The following PAPPA2 variants were observed in gnomAD, a reference collection of about 807,000 sequenced individuals.
PAPPA2 encodes the protein pappalysin 2.
Under a neutral mutation model 176.4 loss-of-function variants are expected in PAPPA2, and 86 were observed. The observed-to-expected ratio is 0.49, with a 90% CI of 0.41 to 0.58. The LOEUF (loss-of-function observed/expected upper bound fraction) is 0.58, where lower values mean the gene tolerates loss of function less well. Among genes scored for constraint, PAPPA2 ranks in the 20% least tolerant of loss-of-function variants. PAPPA2 has a pLI of 0.00. For missense variants in PAPPA2, 2,073 were observed against 2,256.9 expected, an observed-to-expected ratio of 0.92 and a Z score of 1.65; for synonymous variants, 809 against 852.2, an observed-to-expected ratio of 0.95 and a Z score of 0.88.
chr1:176,623,576 C>CTCCTTCCTTCCTTCCTTCCT (rs200667738), intron 3 of PAPPA2, among the ~76,000 whole-genome samples: 21 of 84,982 alleles, frequency 2.5e-4, no homozygotes, highest in African/African-American at 1.3e-3. Context: ...CCTTCCTTCC[C>CTCCTTCCTTCCTTCCTTCCT]TCCTTCCTTC....
intron 1 of PAPPA2, among the ~76,000 whole-genome samples, chr1:176,508,880 T>C (rs892810777): frequency 2.0e-4 from 30 of 152,274 alleles, no homozygotes; most frequent in African/African-American, 6.7e-4. Flanking sequence ...ATAAGTGTCC[T>C]GAGGCTTCCT....
chr1:176,670,539 GAA>G (rs1658933197), intron 3 of PAPPA2, among the ~76,000 whole-genome samples: 1 of 152,038 alleles, frequency 6.6e-6, no homozygotes, highest in Non-Finnish European at 1.5e-5. Flanking sequence ...GCATATACTG[GAA>G]AAGAGATTGA....
At chr1:176,799,765 G>A (rs2102948450) in intron 20 of PAPPA2, among the ~76,000 whole-genome samples, 1 of 152,252 alleles carries the variant, frequency 6.6e-6, no homozygotes, top group African/African-American at 2.4e-5. Flanking sequence ...ATAATATTGA[G>A]GATGCTTTTT....
At chr1:176,744,768 C>A (rs1662832922) in intron 14 of PAPPA2, among the ~76,000 whole-genome samples, 1 of 152,158 alleles carries the variant, frequency 6.6e-6, no homozygotes, top group African/African-American at 2.4e-5. Context: ...ACAAAAAGTA[C>A]ATGCTTTGGT....
At chr1:176,466,990 G>A (rs760603135) in intron 1 of PAPPA2, among the ~76,000 whole-genome samples, 11 of 152,248 alleles carry the variant, frequency 7.2e-5, no homozygotes, top group Non-Finnish European at 1.5e-4. Context: ...GTCATGTATC[G>A]CTTAATGATG....
intron 1 of PAPPA2, among the ~76,000 whole-genome samples, chr1:176,527,243 C>T (rs1047203573): frequency 6.6e-6 from 1 of 152,192 alleles, no homozygotes; most frequent in African/African-American, 2.4e-5. Flanking sequence ...TGGATGCCAC[C>T]ACAGCCATAT....
intron 3 of PAPPA2, among the ~76,000 whole-genome samples, chr1:176,623,758 C>CCTTCCTTTCTTTCTTTCTTTCTTTCTTT (rs1198828841): frequency 1.0e-4 from 6 of 59,062 alleles, no homozygotes; most frequent in African/African-American, 3.8e-4. Flanking sequence ...TTCCTTCCTT[C>CCTTCCTTTCTTTCTTTCTTTCTTTCTTT]CTTTCTTTCT....
At position 176,607,056 on chromosome 1, in the gene PAPPA2, TTTTA is replaced by T; in HGVS notation, c.1991+11464_1991+11467del. Among the ~76,000 whole-genome samples, 3 of 152,184 alleles carry T rather than the reference TTTTA, an allele frequency of 2.0e-5. No homozygotes were observed. In the Middle Eastern group the frequency reaches 0.01, roughly 518 times the overall value. On this transcript the variant is annotated intron_variant, in intron 3 of 22. Transcript: ENST00000367662. ...ACAGATATATATGTTTTATTTTTATTTTTATTATTTTTATATTTATTTTTATTGA... is the reference window on the plus strand; with the variant it reads ...ACAGATATATATGTTTTATTTTTATTTTATTTTTATATTTATTTTTATTGA...
At chr1:176,480,541 G>T (rs533146060) in intron 1 of PAPPA2, among the ~76,000 whole-genome samples, 3 of 152,232 alleles carry the variant, frequency 2.0e-5, no homozygotes, top group Admixed American at 1.3e-4. Context: ...CATGGAGGCG[G>T]GAAGGCTGGA....
In PAPPA2 at chr1:176,641,851, G is replaced by T. The variant is rs146279559; in HGVS notation, c.1992-29119G>T. Among the ~76,000 whole-genome samples the T allele has an allele frequency of 9.3e-4, 141 of 151,936 alleles. 1 individual carries two copies. The highest frequency in any genetic ancestry group is 2.9e-3 in the African/African-American group (119 of 41,462). On this transcript the variant is annotated intron_variant, in intron 3 of 22. Coordinates refer to ENST00000367662, the MANE Select transcript of PAPPA2 (RefSeq NM_020318.3). Reference sequence around the variant, plus strand: ...GTCTTAATGACTCTGGGTGATGGAGGTATTATTGAGCCAAGTGTTTGCACA... The same window carrying T: ...GTCTTAATGACTCTGGGTGATGGAGTTATTATTGAGCCAAGTGTTTGCACA...
chr1:176,680,134 G>A (rs1659511787), intron 4 of PAPPA2, among the ~76,000 whole-genome samples: 1 of 152,118 alleles, frequency 6.6e-6, no homozygotes, highest in African/African-American at 2.4e-5. Flanking sequence ...AGAAAAATTT[G>A]GAGATAGACT....
chr1:176,535,276 C>A (rs1213574949), intron 1 of PAPPA2, among the ~76,000 whole-genome samples: 2 of 152,114 alleles, frequency 1.3e-5, no homozygotes, highest in East Asian at 3.9e-4. Context: ...GAGGCAGAAG[C>A]ATGTGTTGAG....
chr1:176,699,689 AG>A (rs1447959048), intron 8 of PAPPA2, 100 bp downstream of exon 8: 1 of 1,475,588 alleles, frequency 6.8e-7, no homozygotes, highest in Non-Finnish European at 9.0e-7. Flanking sequence ...CCTTAGTCGG[AG>A]GAATGTTTAG....
At position 176,702,575 on chromosome 1, in the gene PAPPA2, T is replaced by G. The variant is rs765438938; in HGVS notation, c.3237-32T>G. Reference sequence around the variant, plus strand: ...CCCAGGGCATGCCTCACTTTGTGGCTGTAGTGGTCACAAACCCTTTGGTTT... The same window carrying G: ...CCCAGGGCATGCCTCACTTTGTGGCGGTAGTGGTCACAAACCCTTTGGTTT... On this transcript the variant is annotated intron_variant, in intron 8 of 22. Transcript: ENST00000367662. The G allele has an allele frequency of 8.2e-5, 132 of 1,611,118 alleles. 1 individual carries two copies. Among genetic ancestry groups the G allele is most frequent in the Non-Finnish European group, 1.1e-4 (131 of 1,177,838 alleles).
At chr1:176,478,846 C>G (rs1437957836) in intron 1 of PAPPA2, among the ~76,000 whole-genome samples, 1 of 152,134 alleles carries the variant, frequency 6.6e-6, no homozygotes, top group Non-Finnish European at 1.5e-5. Flanking sequence ...TGTATGCAGA[C>G]CACATTATAA....
Position 176,728,671 on chromosome 1 carries a change from G to T in PAPPA2, c.3799-10955G>T, listed in dbSNP as rs151303172. Among the ~76,000 whole-genome samples the T allele has an allele frequency of 8.5e-3, 1,287 of 151,848 alleles. 23 individuals carry two copies. Among genetic ancestry groups the T allele is most frequent in the African/African-American group, 0.028 (1,171 of 41,470 alleles). On this transcript the variant is annotated intron_variant, in intron 12 of 22. Transcript: ENST00000367662. Reference sequence around the variant, plus strand: ...TTATACAGTTGATTTTAATTTTTTTGTGTGTGGAGATTCTGAAAAAGATGA... The same window carrying T: ...TTATACAGTTGATTTTAATTTTTTTTTGTGTGGAGATTCTGAAAAAGATGA...
chr1:176,839,139 G>T (rs948183781), intron 21 of PAPPA2, among the ~76,000 whole-genome samples: 5 of 152,140 alleles, frequency 3.3e-5, no homozygotes, highest in African/African-American at 1.2e-4. Flanking sequence ...GTGGCCCAAA[G>T]AATTTGACCA....
chr1:176,583,409 T>A (rs992445946), intron 2 of PAPPA2, among the ~76,000 whole-genome samples: 3 of 152,120 alleles, frequency 2.0e-5, no homozygotes, highest in Non-Finnish European at 2.9e-5. Context: ...TAGGTTTTGG[T>A]ATGTTGTGTT....
intron 3 of PAPPA2, among the ~76,000 whole-genome samples, chr1:176,636,415 CAG>C (rs890474344): frequency 1.5e-4 from 23 of 152,228 alleles, no homozygotes; most frequent in African/African-American, 4.8e-4. Flanking sequence ...AACTCTTTCT[CAG>C]AGAGGATGGC....
Sources: gnomAD v4.1 joint callset for allele counts (sites outside exome capture counted in the v4.1 genomes callset) on GRCh38, gnomAD v4.1.1 for gene constraint, MANE v1.5 for transcripts, NCBI Gene and HGNC (gene_info 2026-07-23, HGNC 2026-07-21) for gene names.